The following SLC2A4RG variants were observed in gnomAD, a reference collection of about 807,000 sequenced individuals.
SLC2A4RG encodes SLC2A4 regulator, also known as GLUT4 enhancer factor.
A neutral mutation model predicts 35.5 loss-of-function variants in SLC2A4RG; 23 were observed. The ratio of observed to expected loss-of-function variants is 0.65; its 90% CI spans 0.47 to 0.92. SLC2A4RG has a LOEUF of 0.92. Ranked by LOEUF, SLC2A4RG falls within the 40% of genes least tolerant of loss-of-function variation. The pLI, the probability that SLC2A4RG is intolerant of heterozygous loss-of-function variation, is 0.00. For synonymous variants in SLC2A4RG, 306 were observed against 243.7 expected (o/e 1.26, Z -2.38); for missense variants, 539 against 525.0 (o/e 1.03, Z -0.26).
At chr20:63,740,185 G>C in intron 1 of SLC2A4RG, 147 bp downstream of exon 1, 1 of 384,110 alleles carries the variant, frequency 2.6e-6, no homozygotes, top group Non-Finnish European at 3.5e-6. Flanking sequence ...GTCCCGCCGG[G>C]GCTGCGCCGG....
intron 2 of SLC2A4RG, among the ~76,000 whole-genome samples, chr20:63,740,974 G>C (rs1430546521): frequency 6.6e-6 from 1 of 152,204 alleles, no homozygotes; most frequent in Non-Finnish European, 1.5e-5. Flanking sequence ...GCTGCCGGCT[G>C]CTGGCCACTC....
At chr20:63,741,068 C>G (rs1249504882) in intron 2 of SLC2A4RG, among the ~76,000 whole-genome samples, 3 of 152,196 alleles carry the variant, frequency 2.0e-5, no homozygotes, top group Non-Finnish European at 4.4e-5. Flanking sequence ...CTGGGCCTGG[C>G]CCGCCCCTCT....
chr20:63,741,237 G>T, intron 2 of SLC2A4RG, 133 bp from the exon 3 acceptor site: 1 of 798,664 alleles, frequency 1.3e-6, no homozygotes, highest in South Asian at 1.6e-5. Flanking sequence ...TGGGGGAGGA[G>T]CCAGGCCTCA....
In SLC2A4RG at chr20:63,742,158, T is replaced by A; in HGVS notation, c.608T>A (p.Leu203Gln). ...CCGGCCCAGGTCATGTTCCAGTGTC[T>A]GTGGAAGAGCTGCGGGAAGGTGCTG... ...KSPAQVMFQC[L>Q]WKSCGKVLST... The change falls in exon 5 of 8, where the codon CTG becomes CAG. Residue 203 changes from leucine to glutamine, a missense_variant. Transcript: ENST00000266077. 1 of 1,605,412 alleles carries A rather than the reference T, an allele frequency of 6.2e-7. No homozygotes were observed. Among genetic ancestry groups the A allele is most frequent in the East Asian group, 2.3e-5 (1 of 44,284 alleles).
rs369715197 is a variant in SLC2A4RG, at chr20:63,743,022, C to T, written c.*32C>T. Reference sequence around the variant, plus strand: ...CTCGTTCAAGAACATAAGCTACCACCTTCTCCCTCCCCACCCCCTCCAGGC... The same window carrying T: ...CTCGTTCAAGAACATAAGCTACCACTTTCTCCCTCCCCACCCCCTCCAGGC... On this transcript the variant is annotated 3_prime_UTR_variant, in exon 8 of 8. Transcript: ENST00000266077. The T allele has an allele frequency of 8.4e-6, 13 of 1,545,042 alleles. No individual in the cohort carries two copies. The highest frequency in any genetic ancestry group is 1.2e-5 in the South Asian group (1 of 85,064).
rs1052181681 is a variant in SLC2A4RG, at chr20:63,739,901, G to C, written c.-12G>C. On this transcript the variant is annotated 5_prime_UTR_variant, in exon 1 of 8. Coordinates refer to ENST00000266077, the MANE Select transcript of SLC2A4RG (RefSeq NM_020062.4). The stretch of plus-strand genomic sequence containing the variant: ...CCTCGCCGCTGCAGCCTCGGCGCCC[G>C]GCCGGCCGGCCATGGAGCGCCCCCC... The C allele has an allele frequency of 1.0e-6, 1 of 977,550 alleles. No individual in the cohort carries two copies. Among genetic ancestry groups the C allele is most frequent in the Non-Finnish European group, 1.2e-6 (1 of 826,916 alleles). The allele number at this position is 977,550 out of a possible 1,614,324, so 60.6% of individuals were successfully genotyped here. A position where few individuals can be genotyped will look rare whatever the true frequency, so the allele number is the denominator to read the frequency against.
rs926135392 is a variant in SLC2A4RG at position 63,741,578 on chromosome 20, G to A, written c.391+99G>A. On this transcript the variant is annotated intron_variant, in intron 3 of 7. Coordinates refer to ENST00000266077, the MANE Select transcript of SLC2A4RG (RefSeq NM_020062.4). ...TGGGGCAAGCAGAGCCCTCAAACCT[G>A]GGACTCCTTTCTAAAATGGACTCCC... 8.1e-6 allele frequency: 10 copies of A among 1,229,356 alleles called. No homozygotes were observed. In the African/African-American group the frequency reaches 1.5e-4, roughly 19 times the overall value. The allele number at this position is 1,229,356 out of a possible 1,614,324, so 76.2% of individuals were successfully genotyped here. A position where few individuals can be genotyped will look rare whatever the true frequency, so the allele number is the denominator to read the frequency against.
At chr20:63,740,795 G>A (rs6062510) in intron 2 of SLC2A4RG, among the ~76,000 whole-genome samples, 2 of 152,040 alleles carry the variant, frequency 1.3e-5, no homozygotes, top group African/African-American at 2.4e-5. Context: ...GAGGCTGCGC[G>A]GTCGGCATGG....
In SLC2A4RG at chr20:63,742,331, C is replaced by G. The variant is rs1046616; in HGVS notation, c.681-5C>G. 7 of 1,606,740 alleles carry G rather than the reference C, an allele frequency of 4.4e-6. No homozygotes were observed. The African/African-American group carries it at 8.0e-5, about 18-fold the overall frequency. On this transcript the variant is annotated splice_region_variant and splice_polypyrimidine_tract_variant and intron_variant, in intron 5 of 7. Transcript: ENST00000266077. ...GCTCCCACTGGCTGGCTGTGTCTCCCGCAGGAGGCAGGCAGAGCCTGAGCA... is the reference window on the plus strand; with the variant it reads ...GCTCCCACTGGCTGGCTGTGTCTCCGGCAGGAGGCAGGCAGAGCCTGAGCA...
rs532272230 is a variant in SLC2A4RG, at chr20:63,743,126, G to A, written c.*136G>A. 9.0e-4 allele frequency: 322 copies of A among 358,588 alleles called. 1 individual carries two copies. Among genetic ancestry groups the A allele is most frequent in the African/African-American group, 6.6e-3 (310 of 47,284 alleles). The allele number at this position is 358,588 out of a possible 1,614,324, so 22.2% of individuals were successfully genotyped here. A position where few individuals can be genotyped will look rare whatever the true frequency, so the allele number is the denominator to read the frequency against. The stretch of plus-strand genomic sequence containing the variant: ...AGGGTCTGCTTTTACTTGGGGTGGG[G>A]GGGCGGGGCTGACCCTGAACCCTCC... On this transcript the variant is annotated 3_prime_UTR_variant, in exon 8 of 8. Coordinates refer to ENST00000266077, the MANE Select transcript of SLC2A4RG (RefSeq NM_020062.4).
rs2145727272 is a variant in SLC2A4RG at position 63,744,010 on chromosome 20, G to A, written c.*1020G>A. On this transcript the variant is annotated 3_prime_UTR_variant, in exon 8 of 8. Transcript: ENST00000266077. ...TTGTGTGTTTTGTTTTTGTTGACAG[G>A]TTGAAAGCATGTTGAAAAAAATAAA... 6.6e-6 allele frequency: 1 copy of A among 152,020 alleles called. No homozygotes were observed. Among genetic ancestry groups the A allele is most frequent in the Non-Finnish European group, 1.5e-5 (1 of 68,008 alleles). The allele number at this position is 152,020 out of a possible 1,614,324, so 9.4% of individuals were successfully genotyped here.
chr20:63,741,645 C>G (rs1601366425), intron 3 of SLC2A4RG, among the ~76,000 whole-genome samples, 166 bp downstream of exon 3: 1 of 152,228 alleles, frequency 6.6e-6, no homozygotes, highest in South Asian at 2.1e-4. Flanking sequence ...CGGCAGGACC[C>G]AGGCCTTCTG....
In SLC2A4RG at chr20:63,740,193, CG is replaced by C. The variant is rs932703774; in HGVS notation, c.126+158del. 37 of 380,914 alleles carry C rather than the reference CG, an allele frequency of 9.7e-5. 1 individual carries two copies. The Admixed American group carries it at 1.1e-3, about 11-fold the overall frequency. 23.6% of individuals were successfully genotyped at this position (380,914 alleles called of 1,614,324 possible). On this transcript the variant is annotated intron_variant, in intron 1 of 7. Coordinates refer to ENST00000266077, the MANE Select transcript of SLC2A4RG (RefSeq NM_020062.4). ...TCCGTGGGTCCCGCCGGGGCTGCGC[CG>C]GGCGGCCGGGGAGCCCTTCCCGCCG...
Position 63,741,463 on chromosome 20 carries a change from T to C in SLC2A4RG, c.375T>C (p.Val125=). ...STSPLLLGAP[V]AAFSPEPGLE... ...GCCCTCTCCTTCTGGGGGCCCCGGT[T>C]GCAGCCTTCAGCCCAGGTAAGACTC... is the stretch of plus-strand genomic sequence containing the variant. The change falls in exon 3 of 8, where the codon GTT becomes GTC. Residue 125 remains valine (V), a synonymous_variant. Coordinates refer to ENST00000266077, the MANE Select transcript of SLC2A4RG (RefSeq NM_020062.4). The C allele has an allele frequency of 6.2e-7, 1 of 1,613,354 alleles. No homozygotes were observed. Among genetic ancestry groups the C allele is most frequent in the Non-Finnish European group, 8.5e-7 (1 of 1,179,846 alleles).
chr20:63,741,475 C>T lies in SLC2A4RG; in HGVS notation c.387C>T (p.Ser129=). ...LLLGAPVAAF[S]PEPGLEPWKE... is the part of the protein sequence containing the mutation. ...TGGGGGCCCCGGTTGCAGCCTTCAG[C>T]CCAGGTAAGACTCAGATGTCTGCAT... Residue 129 remains serine, a synonymous_variant, in exon 3 of 8, where the codon AGC becomes AGT. Coordinates refer to ENST00000266077, the MANE Select transcript of SLC2A4RG (RefSeq NM_020062.4). The T allele has an allele frequency of 6.2e-7, 1 of 1,612,622 alleles. No homozygotes were observed. The highest frequency in any genetic ancestry group is 2.2e-5 in the East Asian group (1 of 44,876).
Position 63,742,876 on chromosome 20 carries a change from C to G in SLC2A4RG, c.1053-3C>G. The stretch of plus-strand genomic sequence containing the variant: ...ACCCCATGTCCTGTGACCCCCCGCA[C>G]AGGAAGCCCCGCGGCGACGCGAAGA... On this transcript the variant is annotated splice_polypyrimidine_tract_variant and splice_region_variant and intron_variant, in intron 7 of 7. Coordinates refer to ENST00000266077, the MANE Select transcript of SLC2A4RG (RefSeq NM_020062.4). 6.2e-7 allele frequency: 1 copy of G among 1,610,452 alleles called. No individual in the cohort carries two copies. The highest frequency in any genetic ancestry group is 8.5e-7 in the Non-Finnish European group (1 of 1,178,812).
In SLC2A4RG at chr20:63,742,698, G is replaced by C; in HGVS notation, c.961-1G>C. ...GAAGCCCTGGCTGTGTCTCCCTGTAGGGCTGCCTGACGCCCGCCCGCCTGG... is the reference window on the plus strand; with the variant it reads ...GAAGCCCTGGCTGTGTCTCCCTGTACGGCTGCCTGACGCCCGCCCGCCTGG... On this transcript the variant is annotated splice_acceptor_variant, in intron 6 of 7. Coordinates refer to ENST00000266077, the MANE Select transcript of SLC2A4RG (RefSeq NM_020062.4). LOFTEE classifies it high-confidence loss of function. 1 of 1,597,794 alleles carries C rather than the reference G, an allele frequency of 6.3e-7. No individual in the cohort carries two copies. The highest frequency in any genetic ancestry group is 8.5e-7 in the Non-Finnish European group (1 of 1,173,292).
rs1058319 is a variant in SLC2A4RG, at chr20:63,743,036, C to T, written c.*46C>T. 0.16 allele frequency: 233,979 copies of T among 1,486,632 alleles called. 24,389 individuals are homozygous for T. The highest frequency in any genetic ancestry group is 0.59 in the East Asian group (24,831 of 41,838). The allele number at this position is 1,486,632 out of a possible 1,614,324, so 92.1% of individuals were successfully genotyped here. ...TAAGCTACCACCTTCTCCCTCCCCA[C>T]CCCCTCCAGGCCCGGGGCTGAAACA... On this transcript the variant is annotated 3_prime_UTR_variant, in exon 8 of 8. Coordinates refer to ENST00000266077, the MANE Select transcript of SLC2A4RG (RefSeq NM_020062.4).
At chr20:63,741,228 G>C in intron 2 of SLC2A4RG, 142 bp from the exon 3 acceptor site, 3 of 735,922 alleles carry the variant, frequency 4.1e-6, no homozygotes, top group South Asian at 1.7e-5. Flanking sequence ...AACCTGAGCT[G>C]GGGGAGGAGC....
Sources: allele counts gnomAD v4.1 joint callset (sites outside exome capture counted in the v4.1 genomes callset), GRCh38; gene constraint gnomAD v4.1.1; transcripts MANE v1.5; gene names NCBI Gene and HGNC (gene_info 2026-07-23, HGNC 2026-07-21).